The following GNAL variants were observed in gnomAD, a reference collection of about 807,000 sequenced individuals.
GNAL encodes guanine nucleotide-binding protein G(olf) subunit alpha.
GNAL carries 18 observed loss-of-function variants against 55.1 expected under a neutral mutation model. The ratio of observed to expected loss-of-function variants is 0.33; its 90% CI spans 0.23 to 0.48. The LOEUF (loss-of-function observed/expected upper bound fraction) is 0.48. Ranked by LOEUF, GNAL falls within the 20% of genes least tolerant of loss-of-function variation. GNAL has a pLI of 0.99. For missense variants in GNAL, 412 were observed against 614.1 expected, an observed-to-expected ratio of 0.67 and a Z score of 3.48; for synonymous variants, 253 against 237.0, an observed-to-expected ratio of 1.07 and a Z score of -0.62.
intron 5 of GNAL, among the ~76,000 whole-genome samples, chr18:11,825,290 G>C (rs1017316155): frequency 6.6e-6 from 1 of 152,168 alleles, no homozygotes; most frequent in Non-Finnish European, 1.5e-5. Flanking sequence ...AGAGCTATAT[G>C]CATATTGGTA....
At position 11,774,064 on chromosome 18, in the gene GNAL, G is replaced by A. The variant is rs1324323059; in HGVS notation, c.624+20119G>A. 2.0e-5 allele frequency among the ~76,000 whole-genome samples: 3 copies of A among 152,274 alleles called. No homozygotes were observed. In the East Asian group the frequency reaches 5.8e-4, roughly 29 times the overall value. On this transcript the variant is annotated intron_variant, in intron 4 of 11. Coordinates refer to ENST00000334049, the MANE Select transcript of GNAL (RefSeq NM_182978.4). ...AATACAATAATACATCTGAAGTGCTGGGCCCTGTGCCTGACACACCTTAAA... is the reference window on the plus strand; with the variant it reads ...AATACAATAATACATCTGAAGTGCTAGGCCCTGTGCCTGACACACCTTAAA...
At chr18:11,742,545 T>A (rs1284911129) in intron 1 of GNAL, among the ~76,000 whole-genome samples, 1 of 152,246 alleles carries the variant, frequency 6.6e-6, no homozygotes, top group Non-Finnish European at 1.5e-5. Flanking sequence ...AGGGGCTGCC[T>A]CTTAAGAAAA....
Position 11,885,002 on chromosome 18 carries a change from G to A in GNAL, c.*3867G>A. ...GGTCAGCGAGGAACAAGGAGGGAAA[G>A]GTGTCTTCCTGCCCCTTGATGCTCA... On this transcript the variant is annotated 3_prime_UTR_variant, in exon 12 of 12. Coordinates refer to ENST00000334049, the MANE Select transcript of GNAL (RefSeq NM_182978.4). The A allele has an allele frequency of 7.7e-7, 1 of 1,300,998 alleles. No individual in the cohort carries two copies. The highest frequency in any genetic ancestry group is 1.0e-6 in the Non-Finnish European group (1 of 997,110). The allele number at this position is 1,300,998 out of a possible 1,614,324, so 80.6% of individuals were successfully genotyped here.
At chr18:11,724,069 C>T (rs920875486) in intron 1 of GNAL, among the ~76,000 whole-genome samples, 1 of 152,152 alleles carries the variant, frequency 6.6e-6, no homozygotes, top group African/African-American at 2.4e-5. Flanking sequence ...GAAACAGCAA[C>T]CAAATTTATT....
At position 11,689,878 on chromosome 18, in the gene GNAL, C is replaced by T; in HGVS notation, c.315C>T (p.Ile105=). 1 of 1,500,992 alleles carries T rather than the reference C, an allele frequency of 6.7e-7. No individual in the cohort carries two copies. The highest frequency in any genetic ancestry group is 8.9e-7 in the Non-Finnish European group (1 of 1,126,580). 93.0% of individuals were successfully genotyped at this position (1,500,992 alleles called of 1,614,324 possible). The part of the protein sequence containing the change: ...VKEARKVSRG[I]DRMLRDQKRD... ...AGGCGAGGAAAGTGAGCCGGGGCAT[C>T]GACCGCATGCTGCGCGACCAGAAGC... The change falls in exon 1 of 12, where the codon ATC becomes ATT. Residue 105 remains isoleucine, a synonymous_variant. Transcript: ENST00000334049.
At chr18:11,732,054 G>A (rs1259182086) in intron 1 of GNAL, among the ~76,000 whole-genome samples, 4 of 152,056 alleles carry the variant, frequency 2.6e-5, no homozygotes, top group Non-Finnish European at 5.9e-5. Flanking sequence ...CCATCATATA[G>A]GTATACCATA....
intron 1 of GNAL, among the ~76,000 whole-genome samples, chr18:11,706,794 C>T (rs1465893622): frequency 6.6e-6 from 1 of 152,186 alleles, no homozygotes; most frequent in East Asian, 1.9e-4. Flanking sequence ...GCCATTTAGT[C>T]ACATCTTCGG....
At chr18:11,712,464 A>G (rs1044551616) in intron 1 of GNAL, among the ~76,000 whole-genome samples, 1 of 152,182 alleles carries the variant, frequency 6.6e-6, no homozygotes, top group Non-Finnish European at 1.5e-5. Context: ...TTTGGCCCAT[A>G]TATTTTGTTA....
chr18:11,863,226 C>T (rs769536489), intron 6 of GNAL, among the ~76,000 whole-genome samples: 31 of 152,148 alleles, frequency 2.0e-4, no homozygotes, highest in East Asian at 5.8e-4. Context: ...TGTGCCCCTT[C>T]GACCCTCGGG....
chr18:11,738,367 G>C (rs1275970783), intron 1 of GNAL, among the ~76,000 whole-genome samples: 3 of 152,002 alleles, frequency 2.0e-5, no homozygotes, highest in Non-Finnish European at 4.4e-5. Context: ...CAGGTCTGCT[G>C]TGGGCAGCAA....
intron 1 of GNAL, among the ~76,000 whole-genome samples, chr18:11,697,647 G>A (rs1282160335): frequency 6.6e-6 from 1 of 152,170 alleles, no homozygotes; most frequent in Non-Finnish European, 1.5e-5. Flanking sequence ...GTCTGTGGGT[G>A]TGGGCAAAAC....
At chr18:11,862,981 C>T (rs1467454898) in intron 6 of GNAL, among the ~76,000 whole-genome samples, 6 of 151,400 alleles carry the variant, frequency 4.0e-5, no homozygotes, top group African/African-American at 1.2e-4. Context: ...CAAGTTCAAG[C>T]GATTCTCCTG....
Position 11,878,140 on chromosome 18 carries a change from G to C in GNAL, c.1230+1452G>C, listed in dbSNP as rs1316359534. On this transcript the variant is annotated intron_variant, in intron 11 of 11. Transcript: ENST00000334049. ...ATGTTAATTAAGCATGCATATGTTG[G>C]GCATTTAAATGAAGATTAGAAACAT... 2.0e-5 allele frequency among the ~76,000 whole-genome samples: 3 copies of C among 152,186 alleles called. No individual in the cohort carries two copies. In the East Asian group the frequency reaches 5.8e-4, roughly 29 times the overall value.
intron 5 of GNAL, among the ~76,000 whole-genome samples, chr18:11,826,701 C>A (rs2035255940): frequency 6.6e-6 from 1 of 152,114 alleles, no homozygotes; most frequent in Non-Finnish European, 1.5e-5. Context: ...GGGTGAACCA[C>A]GGTGCCATTT....
intron 4 of GNAL, among the ~76,000 whole-genome samples, chr18:11,782,242 G>A (rs951622163): frequency 6.6e-6 from 1 of 152,152 alleles, no homozygotes; most frequent in African/African-American, 2.4e-5. Flanking sequence ...ACTTGATCCA[G>A]GGAGGCGGAG....
At chr18:11,779,623 G>A (rs141816058) in intron 4 of GNAL, among the ~76,000 whole-genome samples, 1 of 152,136 alleles carries the variant, frequency 6.6e-6, no homozygotes, top group Admixed American at 6.5e-5. Context: ...GTTCTTTGGG[G>A]AGTGAAAATG....
intron 8 of GNAL, 152 bp downstream of exon 8, chr18:11,867,378 A>C: frequency 2.0e-5 from 13 of 653,958 alleles, no homozygotes; most frequent in East Asian, 5.9e-5. Context: ...TACTAATCTC[A>C]TTAAAAAAAG....
intron 4 of GNAL, among the ~76,000 whole-genome samples, chr18:11,816,555 A>G (rs2034960044): frequency 6.6e-6 from 1 of 152,096 alleles, no homozygotes; most frequent in Non-Finnish European, 1.5e-5. Context: ...CGGGCTCCCA[A>G]AGTGCTGGGA....
chr18:11,824,069 A>G (rs2035175213), intron 4 of GNAL, among the ~76,000 whole-genome samples: 1 of 152,096 alleles, frequency 6.6e-6, no homozygotes, highest in African/African-American at 2.4e-5. Context: ...TTAAACGAAA[A>G]AAGAAATAAA....
Sources: allele counts gnomAD v4.1 joint callset (sites outside exome capture counted in the v4.1 genomes callset), GRCh38; gene constraint gnomAD v4.1.1; transcripts MANE v1.5; gene names NCBI Gene and HGNC (gene_info 2026-07-23, HGNC 2026-07-21).